Variants in BARX2 observed in about 807,000 individuals in gnomAD.
BARX2 encodes BARX homeobox 2, also known as homeobox protein BarH-like 2.
Under a neutral mutation model 25.5 loss-of-function variants are expected in BARX2, and 11 were observed. The observed-to-expected ratio is 0.43, with a 90% CI of 0.27 to 0.71. BARX2 has a LOEUF of 0.71. BARX2 is among the 30% of genes least tolerant of loss of function. BARX2 has a pLI of 0.19. For missense variants in BARX2, 360 were observed against 359.9 expected (o/e 1.00, Z 0.00); for synonymous variants, 137 against 149.5 (o/e 0.92, Z 0.61).
rs145280117 is a variant in BARX2 at position 129,376,483 on chromosome 11, G to A, written c.187+261G>A. On this transcript the variant is annotated intron_variant, in intron 1 of 3. Transcript: ENST00000281437. This position sits in a 1 kb window ranked among gnomAD's most constrained non-coding sequence, Gnocchi z 4.2. ...GCGCAACGCCTGATTGTCCTGCTCG[G>A]AGGAGAACGCTTCCTCGTTTCCTGC... Among the ~76,000 whole-genome samples, 1 of 152,354 alleles carries A rather than the reference G, an allele frequency of 6.6e-6. No homozygotes were observed. The highest frequency in any genetic ancestry group is 2.4e-5 in the African/African-American group (1 of 41,586).
chr11:129,429,446 A>C (rs1862104196), intron 1 of BARX2, among the ~76,000 whole-genome samples: 1 of 152,054 alleles, frequency 6.6e-6, no homozygotes, highest in Admixed American at 6.6e-5. Context: ...GATTGTTTGA[A>C]CCTAGGAGTT....
At chr11:129,423,255 T>C (rs1205755376) in intron 1 of BARX2, among the ~76,000 whole-genome samples, 1 of 151,880 alleles carries the variant, frequency 6.6e-6, no homozygotes, top group African/African-American at 2.4e-5. Context: ...TAGCTGGGAT[T>C]ACAGGCACCT....
intron 1 of BARX2, among the ~76,000 whole-genome samples, chr11:129,417,721 G>A (rs528692024): frequency 6.6e-6 from 1 of 152,346 alleles, no homozygotes; most frequent in South Asian, 2.1e-4. Context: ...GAGAGGAGAT[G>A]TTTGGCGAAG....
intron 2 of BARX2, chr11:129,437,858 C>G (rs898938885): frequency 1.3e-5 from 2 of 151,944 alleles, no homozygotes; most frequent in African/African-American, 4.8e-5. Context: ...GAGACCCCGT[C>G]TCTACAAAAA....
At chr11:129,378,563 C>CTTTTTTTTTTTTTTTT (rs56804728) in intron 1 of BARX2, among the ~76,000 whole-genome samples, 64 of 111,190 alleles carry the variant, frequency 5.8e-4, no homozygotes, top group East Asian at 7.6e-4. Context: ...TTTTCTTTTT[C>CTTTTTTTTTTTTTTTT]TTTTTTTTTT....
intron 3 of BARX2, among the ~76,000 whole-genome samples, chr11:129,444,132 G>A (rs1310109018): frequency 6.6e-6 from 1 of 151,904 alleles, no homozygotes; most frequent in Non-Finnish European, 1.5e-5. Flanking sequence ...TCAGTGGATA[G>A]ATGTTTTCTC....
At chr11:129,429,252 C>T (rs997193290) in intron 1 of BARX2, among the ~76,000 whole-genome samples, 5 of 152,036 alleles carry the variant, frequency 3.3e-5, no homozygotes, top group Non-Finnish European at 7.4e-5. Context: ...CAACTGGAGG[C>T]CGGGCATGGT....
At chr11:129,414,460 C>T (rs951954668) in intron 1 of BARX2, among the ~76,000 whole-genome samples, 1 of 152,140 alleles carries the variant, frequency 6.6e-6, no homozygotes, top group African/African-American at 2.4e-5. Context: ...ATTTCCCGTT[C>T]CCCTGCCTTC....
Position 129,390,287 on chromosome 11 carries a change from A to G in BARX2, c.187+14065A>G, listed in dbSNP as rs1041171530. Reference sequence around the variant, plus strand: ...GGGCCAAGTGGGATAAGACAGGTGGATGTGTCATCACCACTGAGACGGAGT... The same window carrying G: ...GGGCCAAGTGGGATAAGACAGGTGGGTGTGTCATCACCACTGAGACGGAGT... On this transcript the variant is annotated intron_variant, in intron 1 of 3. Coordinates refer to ENST00000281437, the MANE Select transcript of BARX2 (RefSeq NM_003658.5). The surrounding 1 kb of genome is among the most constrained non-coding windows in gnomAD (Gnocchi z 4.3). Among the ~76,000 whole-genome samples the G allele has an allele frequency of 6.6e-6, 1 of 152,064 alleles. No individual in the cohort carries two copies. Among genetic ancestry groups the G allele is most frequent in the African/African-American group, 2.4e-5 (1 of 41,394 alleles).
chr11:129,431,671 C>T (rs534116412), intron 1 of BARX2, among the ~76,000 whole-genome samples: 64 of 152,236 alleles, frequency 4.2e-4, no homozygotes, highest in Non-Finnish European at 6.5e-4. Context: ...TTATATATTC[C>T]GGGTAAAAAT....
intron 1 of BARX2, among the ~76,000 whole-genome samples, chr11:129,433,519 C>T (rs1348312916): frequency 4.6e-5 from 7 of 152,306 alleles, no homozygotes; most frequent in African/African-American, 9.6e-5. Flanking sequence ...CCTGCGTAAT[C>T]GGGCTCCAAC....
intron 2 of BARX2, among the ~76,000 whole-genome samples, chr11:129,439,972 C>T (rs1215733941): frequency 6.6e-6 from 1 of 152,090 alleles, no homozygotes; most frequent in Non-Finnish European, 1.5e-5. Flanking sequence ...GATACCTGCC[C>T]AGGCATCTCT....
intron 1 of BARX2, among the ~76,000 whole-genome samples, chr11:129,398,542 T>C (rs560740608): frequency 6.6e-6 from 1 of 152,340 alleles, no homozygotes; most frequent in South Asian, 2.1e-4. Flanking sequence ...ACATGCTCAA[T>C]AAATATTTGC....
intron 3 of BARX2, among the ~76,000 whole-genome samples, chr11:129,443,824 T>C (rs1034287454): frequency 6.6e-6 from 1 of 151,642 alleles, no homozygotes. Flanking sequence ...TGAGACAAGG[T>C]CAAAGCCCAG....
At chr11:129,388,821 G>C (rs1018323491) in intron 1 of BARX2, among the ~76,000 whole-genome samples, 1 of 152,192 alleles carries the variant, frequency 6.6e-6, no homozygotes, top group African/African-American at 2.4e-5. Flanking sequence ...CGACTCAAAT[G>C]TATGAAACCA....
intron 1 of BARX2, among the ~76,000 whole-genome samples, chr11:129,424,949 A>C (rs566702472): frequency 6.6e-6 from 1 of 152,364 alleles, no homozygotes; most frequent in African/African-American, 2.4e-5. Flanking sequence ...GGATCTGCTA[A>C]GTTGGGTGAT....
intron 3 of BARX2, among the ~76,000 whole-genome samples, chr11:129,445,516 C>T (rs1412234457): frequency 1.3e-5 from 2 of 152,118 alleles, no homozygotes; most frequent in Non-Finnish European, 2.9e-5. Flanking sequence ...CCATGTAAAC[C>T]AAAATGGAAG....
chr11:129,427,099 A>T (rs944820605), intron 1 of BARX2, among the ~76,000 whole-genome samples: 19 of 152,350 alleles, frequency 1.2e-4, no homozygotes, highest in African/African-American at 4.1e-4. Flanking sequence ...ATCTACTTTA[A>T]TTTGGCTCAA....
intron 1 of BARX2, among the ~76,000 whole-genome samples, chr11:129,387,806 A>G (rs1206072751): frequency 6.6e-6 from 1 of 152,212 alleles, no homozygotes; most frequent in African/African-American, 2.4e-5. Flanking sequence ...GAGGTGCTAA[A>G]TAGGAGTAAC....
Sources: allele counts gnomAD v4.1 joint callset (sites outside exome capture counted in the v4.1 genomes callset), GRCh38; gene constraint gnomAD v4.1.1; non-coding constraint Gnocchi (gnomAD v3.1); transcripts MANE v1.5; gene names NCBI Gene and HGNC (gene_info 2026-07-23, HGNC 2026-07-21).